CSMD2: variants seen among roughly 807,000 people sequenced by gnomAD.
CSMD2 encodes the protein CUB and Sushi multiple domains 2, also known as CUB and sushi domain-containing protein 2.
Under a neutral mutation model 398.5 loss-of-function variants are expected in CSMD2, and 130 were observed. The observed-to-expected ratio is 0.33, with a 90% CI of 0.28 to 0.38. The LOEUF (loss-of-function observed/expected upper bound fraction) is 0.38. Ranked by LOEUF, CSMD2 falls within the 10% of genes least tolerant of loss-of-function variation. The pLI, the probability that CSMD2 is intolerant of heterozygous loss-of-function variation, is 1.00. For synonymous variants in CSMD2, 1,828 were observed against 1,908.5 expected, an observed-to-expected ratio of 0.96 and a Z score of 1.10; for missense variants, 3,829 against 4,764.9, an observed-to-expected ratio of 0.80 and a Z score of 5.78.
chr1:33,844,611 A>T (rs1001037005), intron 6 of CSMD2, among the ~76,000 whole-genome samples: 1 of 152,216 alleles, frequency 6.6e-6, no homozygotes, highest in Non-Finnish European at 1.5e-5. Flanking sequence ...TGCCAGACCC[A>T]AATCAACACT....
intron 37 of CSMD2, among the ~76,000 whole-genome samples, chr1:33,619,023 G>A (rs1424932905): frequency 1.3e-5 from 2 of 152,126 alleles, no homozygotes; most frequent in Non-Finnish European, 2.9e-5. Flanking sequence ...TCCAGACAGG[G>A]GGCTTCCTGC....
intron 1 of CSMD2, among the ~76,000 whole-genome samples, chr1:34,105,490 C>T (rs1006742603): frequency 4.6e-5 from 7 of 152,252 alleles, no homozygotes; most frequent in Middle Eastern, 3.4e-3. Flanking sequence ...AACCTTCTGC[C>T]GTTTTCATTC....
intron 64 of CSMD2, among the ~76,000 whole-genome samples, chr1:33,531,908 A>G (rs1655268231): frequency 6.6e-6 from 1 of 152,244 alleles, no homozygotes; most frequent in Non-Finnish European, 1.5e-5. Flanking sequence ...ATGGCTGTGC[A>G]ATATCATAAA....
intron 9 of CSMD2, chr1:33,815,166 G>C (rs1315294509): frequency 6.6e-6 from 1 of 152,036 alleles, no homozygotes; most frequent in Non-Finnish European, 1.5e-5. Flanking sequence ...CCAATTCCTT[G>C]CAGAAACAAG....
intron 33 of CSMD2, among the ~76,000 whole-genome samples, chr1:33,626,067 G>A (rs1425096015): frequency 6.6e-6 from 1 of 152,212 alleles, no homozygotes; most frequent in African/African-American, 2.4e-5. Context: ...AAGGTGGGGA[G>A]GTGGGATTCA....
At chr1:33,595,484 G>A (rs905534622) in intron 44 of CSMD2, among the ~76,000 whole-genome samples, 137 of 152,220 alleles carry the variant, frequency 9.0e-4, no homozygotes, top group African/African-American at 3.2e-3. Context: ...TGTGGAGTGG[G>A]GTGGGGGAAG....
chr1:33,962,650 A>G (rs1645405358), intron 3 of CSMD2, among the ~76,000 whole-genome samples: 1 of 150,412 alleles, frequency 6.6e-6, no homozygotes, highest in Non-Finnish European at 1.5e-5. Flanking sequence ...CTTCCTCTCT[A>G]CTCCCTCCCT....
chr1:33,903,691 G>A (rs1253596396), intron 5 of CSMD2, among the ~76,000 whole-genome samples: 1 of 152,116 alleles, frequency 6.6e-6, no homozygotes, highest in African/African-American at 2.4e-5. Flanking sequence ...GGGAGGGGAA[G>A]GGCACAGAAG....
chr1:33,922,119 C>T (rs1010367731), intron 4 of CSMD2, among the ~76,000 whole-genome samples: 1 of 152,080 alleles, frequency 6.6e-6, no homozygotes, highest in African/African-American at 2.4e-5. Context: ...TTCCCCACTC[C>T]CATGCTGAGT....
chr1:33,798,764 T>C (rs1655254061), intron 10 of CSMD2, among the ~76,000 whole-genome samples: 1 of 152,180 alleles, frequency 6.6e-6, no homozygotes, highest in Admixed American at 6.5e-5. Flanking sequence ...AGCCACCTTG[T>C]CCTGAGAATC....
intron 2 of CSMD2, among the ~76,000 whole-genome samples, chr1:34,085,511 T>A (rs1329144397): frequency 6.6e-6 from 1 of 152,100 alleles, no homozygotes; most frequent in Non-Finnish European, 1.5e-5. Context: ...GACAGCACAA[T>A]CAGAATTACA....
intron 15 of CSMD2, 81 bp from the exon 16 acceptor site, chr1:33,726,766 T>A: frequency 7.0e-6 from 10 of 1,423,386 alleles, no homozygotes; most frequent in Non-Finnish European, 9.4e-6. Context: ...ATAAAATGTG[T>A]CAGGCAATAA....
At chr1:34,049,280 G>A (rs1652903687) in intron 2 of CSMD2, among the ~76,000 whole-genome samples, 5 of 152,292 alleles carry the variant, frequency 3.3e-5, no homozygotes, top group South Asian at 2.1e-4. Context: ...TTGGTCACTG[G>A]AGAGTTTTTG....
intron 1 of CSMD2, among the ~76,000 whole-genome samples, chr1:34,158,235 A>T (rs1226087018): frequency 6.6e-6 from 1 of 152,152 alleles, no homozygotes; most frequent in East Asian, 1.9e-4. Flanking sequence ...GGTCCAAGGG[A>T]AAACCAAGCC....
At chr1:33,804,553 C>CT (rs201570810) in intron 10 of CSMD2, among the ~76,000 whole-genome samples, 130 of 146,486 alleles carry the variant, frequency 8.9e-4, no homozygotes, top group Non-Finnish European at 1.0e-3. Context: ...TACCTGCACT[C>CT]TTTTTTTTTT....
At chr1:33,958,127 T>C (rs938695483) in intron 3 of CSMD2, among the ~76,000 whole-genome samples, 3 of 152,170 alleles carry the variant, frequency 2.0e-5, no homozygotes, top group African/African-American at 7.2e-5. Context: ...CCACGCCTTT[T>C]CCTGACTGCC....
intron 14 of CSMD2, among the ~76,000 whole-genome samples, chr1:33,741,936 T>C (rs1647082474): frequency 6.6e-6 from 1 of 152,236 alleles, no homozygotes; most frequent in African/African-American, 2.4e-5. Context: ...AAGCATTTAC[T>C]CATTCATGGA....
intron 37 of CSMD2, among the ~76,000 whole-genome samples, chr1:33,621,381 C>A (rs1030556150): frequency 2.6e-5 from 4 of 152,320 alleles, no homozygotes; most frequent in Middle Eastern, 3.4e-3. Context: ...CTAGAGCCAT[C>A]CATGAGAGCA....
chr1:33,825,422 G>A (rs568911161), intron 7 of CSMD2, among the ~76,000 whole-genome samples: 76 of 152,354 alleles, frequency 5.0e-4, no homozygotes, highest in Non-Finnish European at 9.3e-4. Context: ...GAGAAATGTA[G>A]CAGTAATGAC....
Sources: allele counts gnomAD v4.1 joint callset (sites outside exome capture counted in the v4.1 genomes callset), GRCh38; gene constraint gnomAD v4.1.1; transcripts MANE v1.5; gene names NCBI Gene and HGNC (gene_info 2026-07-23, HGNC 2026-07-21).